The following ATRNL1 variants were observed in gnomAD, a reference collection of about 807,000 sequenced individuals.
The protein encoded by ATRNL1 is attractin like 1, also known as attractin-like protein 1.
ATRNL1 carries 95 observed loss-of-function variants against 182.7 expected under a neutral mutation model. The observed-to-expected ratio is 0.52, with a 90% CI of 0.44 to 0.62. The LOEUF is 0.62. Ranked by LOEUF, ATRNL1 falls within the 20% of genes least tolerant of loss-of-function variation. The pLI is 0.00. For synonymous variants in ATRNL1, 576 were observed against 568.3 expected, an observed-to-expected ratio of 1.01 and a Z score of -0.19; for missense variants, 1,471 against 1,679.5, an observed-to-expected ratio of 0.88 and a Z score of 2.17.
At chr10:115,842,862 T>A (rs73381639) in intron 27 of ATRNL1, among the ~76,000 whole-genome samples, 15,829 of 151,998 alleles carry the variant, frequency 0.1, 2,569 homozygotes, top group African/African-American at 0.35. Flanking sequence ...ACTTCATCTG[T>A]AGGAAATGGA....
intron 26 of ATRNL1, among the ~76,000 whole-genome samples, chr10:115,610,645 G>A (rs541394673): frequency 6.6e-6 from 1 of 152,144 alleles, no homozygotes; most frequent in African/African-American, 2.4e-5. Context: ...TGTGAATCAG[G>A]GAAAATAATA....
chr10:115,777,842 A>G (rs1949166054), intron 27 of ATRNL1, among the ~76,000 whole-genome samples: 1 of 152,202 alleles, frequency 6.6e-6, no homozygotes, highest in African/African-American at 2.4e-5. Context: ...ACAAAGAAGT[A>G]AATGATTAAG....
chr10:115,281,741 AT>A (rs1440500339), intron 14 of ATRNL1, among the ~76,000 whole-genome samples: 1 of 150,182 alleles, frequency 6.7e-6, no homozygotes, highest in African/African-American at 2.4e-5. Context: ...ATCGAAAAAA[AT>A]CTTAAAAATG....
At chr10:115,568,679 G>A (rs564003804) in intron 26 of ATRNL1, among the ~76,000 whole-genome samples, 5 of 151,660 alleles carry the variant, frequency 3.3e-5, no homozygotes, top group Non-Finnish European at 7.4e-5. Context: ...TTTTAAAAAC[G>A]AAATTTGATT....
intron 5 of ATRNL1, among the ~76,000 whole-genome samples, chr10:115,152,090 T>A (rs1207468748): frequency 8.5e-5 from 13 of 152,090 alleles, no homozygotes; most frequent in African/African-American, 2.4e-4. Context: ...TTTTGGTACC[T>A]GTACCATGCT....
chr10:115,778,700 G>A (rs1949190065), intron 27 of ATRNL1, among the ~76,000 whole-genome samples: 2 of 152,190 alleles, frequency 1.3e-5, no homozygotes, highest in African/African-American at 4.8e-5. Flanking sequence ...TATTCTGTTG[G>A]CAACAGGAAG....
intron 18 of ATRNL1, among the ~76,000 whole-genome samples, chr10:115,325,158 G>A (rs964711643): frequency 6.6e-6 from 1 of 151,874 alleles, no homozygotes; most frequent in African/African-American, 2.4e-5. Flanking sequence ...ATTTTTTTCT[G>A]TTTGTGTGTC....
intron 28 of ATRNL1, among the ~76,000 whole-genome samples, chr10:115,937,414 C>T (rs2134610806): frequency 6.6e-6 from 1 of 152,186 alleles, no homozygotes; most frequent in Non-Finnish European, 1.5e-5. Context: ...ATTCCAGTGT[C>T]TTCGGCACTT....
chr10:115,664,403 A>T (rs1352089263), intron 26 of ATRNL1, among the ~76,000 whole-genome samples: 1 of 152,206 alleles, frequency 6.6e-6, no homozygotes, highest in African/African-American at 2.4e-5. Context: ...ATAGTTTATA[A>T]GGATATATGT....
At chr10:115,905,620 C>T (rs1321557591) in intron 28 of ATRNL1, among the ~76,000 whole-genome samples, 1 of 152,144 alleles carries the variant, frequency 6.6e-6, no homozygotes, top group Admixed American at 6.6e-5. Flanking sequence ...AGAAATCTTT[C>T]CATAAGAGGT....
chr10:115,342,367 T>C (rs1855791166), intron 19 of ATRNL1, among the ~76,000 whole-genome samples: 1 of 152,028 alleles, frequency 6.6e-6, no homozygotes, highest in East Asian at 1.9e-4. Flanking sequence ...GTTTTTTGGT[T>C]TGAGGTTACC....
At chr10:115,644,872 T>A (rs1859500033) in intron 26 of ATRNL1, among the ~76,000 whole-genome samples, 1 of 152,160 alleles carries the variant, frequency 6.6e-6, no homozygotes, top group Non-Finnish European at 1.5e-5. Flanking sequence ...CATGCTTAAT[T>A]GGGGAAACTT....
At chr10:115,797,738 G>A (rs1383699035) in intron 27 of ATRNL1, among the ~76,000 whole-genome samples, 16 of 152,134 alleles carry the variant, frequency 1.1e-4, no homozygotes, top group Admixed American at 9.8e-4. Context: ...CCAATTTGAA[G>A]TAGGTTAGGA....
At chr10:115,366,021 A>T (rs1373397859) in intron 19 of ATRNL1, among the ~76,000 whole-genome samples, 3 of 152,184 alleles carry the variant, frequency 2.0e-5, no homozygotes, top group South Asian at 4.1e-4. Context: ...AGTTCTGTAG[A>T]TGTCTATTAG....
chr10:115,940,456 G>A (rs934089874), intron 28 of ATRNL1, among the ~76,000 whole-genome samples: 4 of 152,172 alleles, frequency 2.6e-5, no homozygotes, highest in Non-Finnish European at 5.9e-5. Context: ...TCCTGAGCAC[G>A]TTGCCACAAG....
intron 15 of ATRNL1, among the ~76,000 whole-genome samples, chr10:115,294,265 C>T (rs1554921874): frequency 6.6e-6 from 1 of 152,198 alleles, no homozygotes; most frequent in African/African-American, 2.4e-5. Context: ...AGGAGGATCA[C>T]TTGTAAGCCC....
chr10:115,317,729 T>G (rs1166660573), intron 18 of ATRNL1, among the ~76,000 whole-genome samples: 1 of 152,156 alleles, frequency 6.6e-6, no homozygotes, highest in African/African-American at 2.4e-5. Context: ...TGCTGGTGAT[T>G]TTTGCAAATT....
At chr10:115,890,440 T>G (rs543846404) in intron 28 of ATRNL1, among the ~76,000 whole-genome samples, 8 of 152,330 alleles carry the variant, frequency 5.3e-5, no homozygotes, top group African/African-American at 1.9e-4. Flanking sequence ...TTGTTAAGAT[T>G]TGCAGTAATG....
chr10:115,714,302 G>A (rs1418144634), intron 26 of ATRNL1, among the ~76,000 whole-genome samples: 2 of 150,492 alleles, frequency 1.3e-5, no homozygotes, highest in South Asian at 2.1e-4. Flanking sequence ...ATTGAAGGGT[G>A]GGAAAAATTG....
Sources: gnomAD v4.1 joint callset for allele counts (sites outside exome capture counted in the v4.1 genomes callset) on GRCh38, gnomAD v4.1.1 for gene constraint, MANE v1.5 for transcripts, NCBI Gene and HGNC (gene_info 2026-07-23, HGNC 2026-07-21) for gene names.